Variants in ABCA10 observed in about 807,000 individuals in gnomAD.
ABCA10 encodes the protein ATP binding cassette subfamily A member 10.
A neutral mutation model predicts 187.5 loss-of-function variants in ABCA10; 169 were observed. The observed-to-expected ratio is 0.90, with a 90% CI of 0.80 to 1.02. The LOEUF (loss-of-function observed/expected upper bound fraction) is 1.02. ABCA10 is among the 50% of genes least tolerant of loss of function. The probability of loss-of-function intolerance (pLI) is 0.00; values close to 1 mark genes in which losing one functional copy is unlikely to be tolerated. For missense variants in ABCA10, 1,727 were observed against 1,812.4 expected (o/e 0.95, Z 0.86); for synonymous variants, 574 against 601.8 (o/e 0.95, Z 0.68).
chr17:69,221,708 A>G, intron 5 of ABCA10, 84 bp downstream of exon 5: 1 of 1,228,374 alleles, frequency 8.1e-7, no homozygotes. Flanking sequence ...CTAAGAGTGT[A>G]AGAGTAAGGT....
At chr17:69,229,760 A>C (rs2074818265), upstream of ABCA10, among the ~76,000 whole-genome samples, 1 of 151,888 alleles carries the variant, frequency 6.6e-6, no homozygotes, top group South Asian at 2.1e-4. Context: ...CTTCCTATTC[A>C]GGCAAAATCA....
At chr17:69,199,363 G>A (rs531735084) in intron 10 of ABCA10, among the ~76,000 whole-genome samples, 1 of 152,294 alleles carries the variant, frequency 6.6e-6, no homozygotes, top group Non-Finnish European at 1.5e-5. Flanking sequence ...CTAGCAGAGG[G>A]ACTGATTAAT....
chr17:69,167,047 G>C (rs898704141), intron 25 of ABCA10, among the ~76,000 whole-genome samples: 2 of 152,184 alleles, frequency 1.3e-5, no homozygotes, highest in African/African-American at 4.8e-5. Flanking sequence ...CAACAAGAAG[G>C]CCTGGACAAT....
Position 69,216,500 on chromosome 17 carries a change from T to C in ABCA10, c.531-142A>G. 4 of 891,664 alleles carry C rather than the reference T, an allele frequency of 4.5e-6. No individual in the cohort carries two copies. In the South Asian group the frequency reaches 9.5e-5, roughly 21 times the overall value. The allele number at this position is 891,664 out of a possible 1,614,324, so 55.2% of individuals were successfully genotyped here. ...GGTGGCCATACACATTTTGTGACTATTAGCAAGTTATTTATCTTCTCTCAC... is the reference window on the plus strand; with the variant it reads ...GGTGGCCATACACATTTTGTGACTACTAGCAAGTTATTTATCTTCTCTCAC... On this transcript the variant is annotated intron_variant, in intron 6 of 38. Coordinates refer to ENST00000690296, the MANE Select transcript of ABCA10 (RefSeq NM_001377321.1).
chr17:69,170,676 G>A (rs1372026995), intron 25 of ABCA10, among the ~76,000 whole-genome samples: 1 of 151,988 alleles, frequency 6.6e-6, no homozygotes, highest in Non-Finnish European at 1.5e-5. Context: ...ATACCCTAAA[G>A]GGTCTTACCC....
rs755526594 is a variant in ABCA10, at chr17:69,214,733, A to G, written c.977T>C (p.Phe326Ser). The change falls in exon 9 of 39, where the codon TTC becomes TCC. Residue 326 changes from phenylalanine (F) to serine (S), a missense_variant. Phe to Ser is a radical substitution (Grantham distance 155, BLOSUM62 -2). Transcript: ENST00000690296. ...TAAAACTCGCTCAAAATATAATGTGAATATCAAATAGAAAAGAGTATCAAA... is the reference window on the plus strand; with the variant it reads ...TAAAACTCGCTCAAAATATAATGTGGATATCAAATAGAAAAGAGTATCAAA... ...LAFDTLFYLIFTLYFERVLPD... is the reference protein window; with the variant it reads ...LAFDTLFYLISTLYFERVLPD... 1.3e-6 allele frequency: 2 copies of G among 1,516,262 alleles called. No individual in the cohort carries two copies. Among genetic ancestry groups the G allele is most frequent in the Non-Finnish European group, 1.8e-6 (2 of 1,140,680 alleles). 93.9% of individuals were successfully genotyped at this position (1,516,262 alleles called of 1,614,324 possible). A position where few individuals can be genotyped will look rare whatever the true frequency, so the allele number is the denominator to read the frequency against.
intron 6 of ABCA10, 128 bp from the exon 7 acceptor site, chr17:69,216,486 A>G (rs1265473559): frequency 6.9e-6 from 7 of 1,021,652 alleles, no homozygotes; most frequent in East Asian, 2.6e-5. Context: ...GTGGCCATAC[A>G]CATTTTGTGA....
chr17:69,190,320 T>A, intron 18 of ABCA10, 38 bp downstream of exon 18: 2 of 1,517,970 alleles, frequency 1.3e-6, no homozygotes, highest in Non-Finnish European at 1.7e-6. Context: ...CTCTTCTCTT[T>A]TTTTTCTTAA....
intron 25 of ABCA10, among the ~76,000 whole-genome samples, chr17:69,173,351 T>C (rs1414978764): frequency 6.6e-6 from 1 of 152,140 alleles, no homozygotes; most frequent in Non-Finnish European, 1.5e-5. Context: ...GTGTTTGTGA[T>C]ATTCCTGCTT....
At chr17:69,158,246 C>G (rs965609474) in intron 27 of ABCA10, among the ~76,000 whole-genome samples, 1 of 151,668 alleles carries the variant, frequency 6.6e-6, no homozygotes, top group East Asian at 1.9e-4. Context: ...GAGATTCAAG[C>G]CAATGTCATA....
intron 10 of ABCA10, among the ~76,000 whole-genome samples, chr17:69,199,199 C>T (rs1232690260): frequency 6.6e-6 from 1 of 152,166 alleles, no homozygotes; most frequent in Non-Finnish European, 1.5e-5. Context: ...TGACTTTCCC[C>T]ACTACACTAC....
At chr17:69,184,295 G>A (rs2074403822) in intron 20 of ABCA10, among the ~76,000 whole-genome samples, 1 of 151,974 alleles carries the variant, frequency 6.6e-6, no homozygotes, top group Non-Finnish European at 1.5e-5. Flanking sequence ...AAGTTCTATG[G>A]CCCTGACCCA....
chr17:69,153,213 G>A (rs1043862814), intron 34 of ABCA10, 92 bp downstream of exon 34: 7 of 1,470,992 alleles, frequency 4.8e-6, no homozygotes, highest in Non-Finnish European at 6.4e-6. Flanking sequence ...GGTTAATGGA[G>A]CAAAATGTAA....
intron 27 of ABCA10, 95 bp from the exon 28 acceptor site, chr17:69,157,018 T>C (rs903777365): frequency 2.8e-6 from 2 of 704,962 alleles, no homozygotes; most frequent in African/African-American, 3.9e-5. Flanking sequence ...GAAGATTTGA[T>C]CATTTTCTTG....
chr17:69,155,795 T>G lies in ABCA10; in HGVS notation c.3576+10A>C, dbSNP rs1272529816. On this transcript the variant is annotated intron_variant, in intron 29 of 38. Coordinates refer to ENST00000690296, the MANE Select transcript of ABCA10 (RefSeq NM_001377321.1). ...AGCATTTTATTAAGGGTCTAATCCC[T>G]GCTGTTCACCTCCTCCAAGTTTGGA... 50 of 1,613,200 alleles carry G rather than the reference T, an allele frequency of 3.1e-5. No individual in the cohort carries two copies. Among genetic ancestry groups the G allele is most frequent in the Non-Finnish European group, 4.2e-5 (50 of 1,179,476 alleles).
chr17:69,184,891 A>G (rs2074408945), intron 20 of ABCA10, among the ~76,000 whole-genome samples: 2 of 147,010 alleles, frequency 1.4e-5, no homozygotes, highest in African/African-American at 5.2e-5. Flanking sequence ...ACACACACAC[A>G]CATACATATA....
intron 9 of ABCA10, among the ~76,000 whole-genome samples, chr17:69,204,210 G>A (rs150570012): frequency 1.3e-4 from 20 of 152,282 alleles, no homozygotes; most frequent in African/African-American, 4.6e-4. Flanking sequence ...CTACATCACA[G>A]ACTCCTACTA....
At position 69,155,869 on chromosome 17, in the gene ABCA10, T is replaced by C. The variant is rs2074169953; in HGVS notation, c.3512A>G (p.Asp1171Gly). The C allele has an allele frequency of 6.2e-7, 1 of 1,613,694 alleles. No individual in the cohort carries two copies. The highest frequency in any genetic ancestry group is 8.5e-7 in the Non-Finnish European group (1 of 1,179,710). The change falls in exon 29 of 39, where the codon GAT becomes GGT. Residue 1171 changes from aspartate to glycine, a missense_variant. Transcript: ENST00000690296. Reference sequence around the variant, plus strand: ...GACTCTTTCAGCTTGAACATCTTCATCTTCTTCTTCGGGCTCTTCCGGATT... The same window carrying C: ...GACTCTTTCAGCTTGAACATCTTCACCTTCTTCTTCGGGCTCTTCCGGATT... ...HPNPEEPEEEDEDVQAERVQA... is the reference protein window; with the variant it reads ...HPNPEEPEEEGEDVQAERVQA...
At chr17:69,209,276 T>C (rs561521438) in intron 9 of ABCA10, among the ~76,000 whole-genome samples, 5 of 152,346 alleles carry the variant, frequency 3.3e-5, no homozygotes, top group Admixed American at 2.0e-4. Flanking sequence ...GGGTTATGTA[T>C]GCTACATGCT....
Sources: allele counts gnomAD v4.1 joint callset (sites outside exome capture counted in the v4.1 genomes callset), GRCh38; gene constraint gnomAD v4.1.1; transcripts MANE v1.5; gene names NCBI Gene and HGNC (gene_info 2026-07-23, HGNC 2026-07-21).